Variants in AP2B1 observed in about 807,000 individuals in gnomAD.
The protein encoded by AP2B1 is AP-2 complex subunit beta.
A neutral mutation model predicts 102.0 loss-of-function variants in AP2B1; 23 were observed. That is an observed-to-expected ratio of 0.23 (90% CI 0.16 to 0.32). The LOEUF is 0.32. Among genes scored for constraint, AP2B1 ranks in the 10% least tolerant of loss-of-function variants. AP2B1 has a pLI of 1.00. For missense variants in AP2B1, 541 were observed against 1,157.4 expected, an observed-to-expected ratio of 0.47 and a Z score of 7.73; for synonymous variants, 381 against 421.2, an observed-to-expected ratio of 0.90 and a Z score of 1.17.
intron 9 of AP2B1, among the ~76,000 whole-genome samples, chr17:35,632,012 C>T (rs2074475560): frequency 6.6e-6 from 1 of 151,230 alleles, no homozygotes; most frequent in South Asian, 2.1e-4. Context: ...TTTGTATCAG[C>T]TTTTCTCAGT....
chr17:35,671,711 G>A (rs1336636099), intron 15 of AP2B1, 43 bp from the exon 16 acceptor site: 1 of 1,599,442 alleles, frequency 6.3e-7, no homozygotes, highest in Non-Finnish European at 8.5e-7. Flanking sequence ...CTGTTAATCT[G>A]TTCTTCCCAA....
At chr17:35,594,576 AT>A (rs980201924) in intron 2 of AP2B1, among the ~76,000 whole-genome samples, 2 of 152,174 alleles carry the variant, frequency 1.3e-5, no homozygotes, top group Non-Finnish European at 2.9e-5. Flanking sequence ...ATGATTTAAA[AT>A]TTTTTTATCT....
At chr17:35,682,563 T>G (rs764238401) in intron 17 of AP2B1, 132 bp from the exon 18 acceptor site, 44 of 736,976 alleles carry the variant, frequency 6.0e-5, no homozygotes, top group Non-Finnish European at 8.7e-5. Context: ...AGGCTGGTTT[T>G]GAACTGCTGA....
chr17:35,622,195 G>C (rs554195228), intron 5 of AP2B1, among the ~76,000 whole-genome samples: 1 of 152,248 alleles, frequency 6.6e-6, no homozygotes, highest in South Asian at 2.1e-4. Context: ...GGCTAGATAA[G>C]TTTTCCTGAT....
chr17:35,609,390 A>G (rs1236400727), intron 5 of AP2B1, among the ~76,000 whole-genome samples: 3 of 142,864 alleles, frequency 2.1e-5, no homozygotes, highest in Non-Finnish European at 4.5e-5. Flanking sequence ...CTTGTCGCCC[A>G]GGCTGGAGTG....
intron 17 of AP2B1, among the ~76,000 whole-genome samples, chr17:35,679,804 G>A (rs1007906886): frequency 6.6e-6 from 1 of 152,034 alleles, no homozygotes; most frequent in African/African-American, 2.4e-5. Context: ...GCCTAAATGA[G>A]TGATGTGAAT....
chr17:35,627,658 A>G lies in AP2B1; in HGVS notation c.1087A>G (p.Thr363Ala). Reference sequence around the variant, plus strand: ...TCTGGCAGAACTGAAAGAATATGCTACAGAGGTGGATGTTGACTTTGTTCG... The same window carrying G: ...TCTGGCAGAACTGAAAGAATATGCTGCAGAGGTGGATGTTGACTTTGTTCG... ...QVLAELKEYA[T>A]EVDVDFVRKA... The change falls in exon 9 of 22, where the codon ACA becomes GCA. Residue 363 changes from threonine to alanine, a missense_variant. Thr to Ala is a moderately conservative substitution (Grantham distance 58). This residue lies in a region of AP2B1 where 106 missense variants were observed against 296.4 expected (regional missense o/e 0.36). Coordinates refer to ENST00000610402, the MANE Select transcript of AP2B1 (RefSeq NM_001030006.2). 1 of 1,614,132 alleles carries G rather than the reference A, an allele frequency of 6.2e-7. No homozygotes were observed. Among genetic ancestry groups the G allele is most frequent in the Non-Finnish European group, 8.5e-7 (1 of 1,180,000 alleles).
chr17:35,649,912 C>T (rs914826666), intron 12 of AP2B1, among the ~76,000 whole-genome samples: 3 of 151,584 alleles, frequency 2.0e-5, no homozygotes, highest in South Asian at 2.1e-4. Context: ...CAGGTACATG[C>T]GGCTCTACAC....
At chr17:35,720,622 T>C (rs1279386615) in intron 21 of AP2B1, among the ~76,000 whole-genome samples, 1 of 136,852 alleles carries the variant, frequency 7.3e-6, no homozygotes, top group African/African-American at 2.7e-5. Flanking sequence ...AGGGTCTCGC[T>C]ATGTTGTGCA....
chr17:35,684,373 C>T (rs2075887489), intron 18 of AP2B1, among the ~76,000 whole-genome samples: 1 of 152,114 alleles, frequency 6.6e-6, no homozygotes, highest in Admixed American at 6.6e-5. Flanking sequence ...GGTGGGATCC[C>T]ATTGTTTAAT....
chr17:35,621,767 T>G (rs1263042019), intron 5 of AP2B1, among the ~76,000 whole-genome samples: 1 of 152,222 alleles, frequency 6.6e-6, no homozygotes, highest in Admixed American at 6.5e-5. Flanking sequence ...TGTTTAGCAT[T>G]CTTCTGGTCT....
Position 35,612,878 on chromosome 17 carries a change from G to GCACACA in AP2B1, c.525+4492_525+4493insACACAC, listed in dbSNP as rs777131172. ...CCTGAGGTCATTTAAATGTGTATGT[G>GCACACA]CGCACACACACACACACACACACAC... is the stretch of plus-strand genomic sequence containing the variant. On this transcript the variant is annotated intron_variant, in intron 5 of 21. Transcript: ENST00000610402. Among the ~76,000 whole-genome samples, 624 of 79,790 alleles carry GCACACA rather than the reference G, an allele frequency of 7.8e-3. 5 individuals carry two copies. Among genetic ancestry groups the GCACACA allele is most frequent in the African/African-American group, 0.027 (583 of 21,760 alleles). The allele number at this position is 79,790 out of a possible 152,430, so 52.3% of individuals were successfully genotyped here. A position where few individuals can be genotyped will look rare whatever the true frequency, so the allele number is the denominator to read the frequency against.
rs1555594060 is a variant in AP2B1 at position 35,723,725 on chromosome 17, C to T, written c.*26C>T. The stretch of plus-strand genomic sequence containing the variant: ...CAAGACTGGTCCAGTACCCTTCAAC[C>T]ATGCTGTGATCGGTGCAAGTCAAGA... On this transcript the variant is annotated 3_prime_UTR_variant, in exon 22 of 22. Coordinates refer to ENST00000610402, the MANE Select transcript of AP2B1 (RefSeq NM_001030006.2). 2 of 1,510,594 alleles carry T rather than the reference C, an allele frequency of 1.3e-6. No individual in the cohort carries two copies. The highest frequency in any genetic ancestry group is 1.8e-6 in the Non-Finnish European group (2 of 1,086,218). 93.6% of individuals were successfully genotyped at this position (1,510,594 alleles called of 1,614,324 possible). A position where few individuals can be genotyped will look rare whatever the true frequency, so the allele number is the denominator to read the frequency against.
Position 35,608,259 on chromosome 17 carries a change from G to A in AP2B1, c.397G>A (p.Glu133Lys). 6.2e-7 allele frequency: 1 copy of A among 1,614,194 alleles called. No individual in the cohort carries two copies. The highest frequency in any genetic ancestry group is 8.5e-7 in the Non-Finnish European group (1 of 1,180,036). Reference sequence around the variant, plus strand: ...GCCGCTCCGCAAGTGCTTGAAGGATGAGGATCCCTATGTTCGGAAAACAGC... The same window carrying A: ...GCCGCTCCGCAAGTGCTTGAAGGATAAGGATCCCTATGTTCGGAAAACAGC... Reference protein sequence around the residue: ...CEPLRKCLKDEDPYVRKTAAV... With the variant: ...CEPLRKCLKDKDPYVRKTAAV... Residue 133 changes from glutamate to lysine, a missense_variant, in exon 5 of 22, where the codon GAG becomes AAG. By Grantham distance (56) the Glu-to-Lys change is moderately conservative (BLOSUM62 1). Transcript: ENST00000610402.
chr17:35,702,780 A>T (rs2076262023), intron 18 of AP2B1, among the ~76,000 whole-genome samples: 1 of 152,124 alleles, frequency 6.6e-6, no homozygotes, highest in African/African-American at 2.4e-5. Flanking sequence ...TTGTATTTGG[A>T]GGTGGGGAGG....
intron 18 of AP2B1, among the ~76,000 whole-genome samples, chr17:35,706,768 G>A (rs968704978): frequency 3.8e-4 from 57 of 151,896 alleles, no homozygotes; most frequent in Admixed American, 2.0e-4. Context: ...AGCCTCCCAA[G>A]TAGCTGGGAT....
intron 17 of AP2B1, among the ~76,000 whole-genome samples, chr17:35,681,668 G>A (rs932269620): frequency 9.2e-5 from 14 of 152,130 alleles, no homozygotes; most frequent in African/African-American, 3.4e-4. Context: ...CTCCCAAAGT[G>A]CTGGGATTAC....
At chr17:35,650,918 GA>G in intron 13 of AP2B1, 129 bp downstream of exon 13, 3 of 1,066,114 alleles carry the variant, frequency 2.8e-6, no homozygotes, top group East Asian at 2.5e-5. Flanking sequence ...TTATAGTCTG[GA>G]AAAGAACTGC....
chr17:35,683,329 T>C (rs1306981828), intron 18 of AP2B1, among the ~76,000 whole-genome samples: 1 of 152,268 alleles, frequency 6.6e-6, no homozygotes, highest in African/African-American at 2.4e-5. Context: ...ATATTCATTC[T>C]TTTACTCAAC....
Sources: allele counts gnomAD v4.1 joint callset (sites outside exome capture counted in the v4.1 genomes callset), GRCh38; gene constraint gnomAD v4.1.1; regional missense constraint gnomAD v4.1.1; transcripts MANE v1.5; gene names NCBI Gene and HGNC (gene_info 2026-07-23, HGNC 2026-07-21).